Variants in PDE4B observed in about 807,000 individuals in gnomAD.
The protein encoded by PDE4B is 3',5'-cyclic-AMP phosphodiesterase 4B.
In PDE4B, 20 loss-of-function variants were observed where a neutral mutation model predicts 82.2. The ratio of observed to expected loss-of-function variants is 0.24; its 90% CI spans 0.17 to 0.35. The LOEUF (loss-of-function observed/expected upper bound fraction) is 0.35, where lower values mean the gene tolerates loss of function less well. Ranked by LOEUF, PDE4B falls within the 10% of genes least tolerant of loss-of-function variation. The pLI, the probability that PDE4B is intolerant of heterozygous loss-of-function variation, is 1.00. For missense variants in PDE4B, 655 were observed against 907.2 expected (o/e 0.72, Z 3.57); for synonymous variants, 320 against 318.9 (o/e 1.00, Z -0.04).
At chr1:66,055,772 T>C (rs1489765305) in intron 3 of PDE4B, among the ~76,000 whole-genome samples, 4 of 152,194 alleles carry the variant, frequency 2.6e-5, no homozygotes, top group Non-Finnish European at 5.9e-5. Flanking sequence ...ATGTTAACAG[T>C]AGATAACATT....
intron 8 of PDE4B, among the ~76,000 whole-genome samples, chr1:66,347,022 T>TG (rs1313143971): frequency 6.6e-6 from 1 of 152,182 alleles, no homozygotes; most frequent in Non-Finnish European, 1.5e-5. Flanking sequence ...GATGCTCCTA[T>TG]GTCATATTTT....
chr1:66,007,457 C>A (rs183042501), intron 3 of PDE4B, among the ~76,000 whole-genome samples: 15 of 151,954 alleles, frequency 9.9e-5, no homozygotes, highest in African/African-American at 3.6e-4. Flanking sequence ...ACAACCCCCC[C>A]CAACCAAAAC....
intron 1 of PDE4B, among the ~76,000 whole-genome samples, chr1:65,870,463 CTT>C (rs942974928): frequency 3.3e-5 from 5 of 152,118 alleles, no homozygotes; most frequent in Admixed American, 6.6e-5. Flanking sequence ...CCAAAAATTA[CTT>C]TCTGCTTAAC....
At chr1:66,194,922 T>C (rs899847682) in intron 3 of PDE4B, among the ~76,000 whole-genome samples, 1 of 152,100 alleles carries the variant, frequency 6.6e-6, no homozygotes, top group Non-Finnish European at 1.5e-5. Flanking sequence ...TATGTGAAAA[T>C]ATTTGGTCAG....
At position 66,201,918 on chromosome 1, in the gene PDE4B, AG is replaced by A. The variant is rs1372123764; in HGVS notation, c.282-45541del. Among the ~76,000 whole-genome samples the A allele has an allele frequency of 4.6e-5, 7 of 151,850 alleles. No homozygotes were observed. In the East Asian group the frequency reaches 1.4e-3, roughly 29 times the overall value. ...TGAATGTGTTTGCTCTTGCTTTTCT[AG>A]TTCTTTTAATTGTGATGTTGGGGTG... On this transcript the variant is annotated intron_variant, in intron 3 of 16. Transcript: ENST00000341517.
At chr1:65,934,627 GC>G (rs1648023463) in intron 3 of PDE4B, among the ~76,000 whole-genome samples, 1 of 152,200 alleles carries the variant, frequency 6.6e-6, no homozygotes, top group African/African-American at 2.4e-5. Context: ...TAAACTATGT[GC>G]TGTCTATAAG....
chr1:66,262,208 C>T (rs899870005), intron 6 of PDE4B, among the ~76,000 whole-genome samples: 1 of 152,174 alleles, frequency 6.6e-6, no homozygotes, highest in African/African-American at 2.4e-5. Flanking sequence ...AACTGAGGAT[C>T]ATAAAATGTT....
At chr1:66,068,535 A>G (rs1570141556) in intron 3 of PDE4B, among the ~76,000 whole-genome samples, 1 of 151,962 alleles carries the variant, frequency 6.6e-6, no homozygotes, top group East Asian at 1.9e-4. Context: ...TCCCCCATCA[A>G]GTTGATTTTC....
At chr1:66,203,800 C>T (rs186839673) in intron 3 of PDE4B, among the ~76,000 whole-genome samples, 8 of 152,262 alleles carry the variant, frequency 5.3e-5, no homozygotes, top group African/African-American at 1.2e-4. Context: ...TGAATTTCCT[C>T]CTTTAGCTTG....
At chr1:65,914,530 T>C (rs979090599) in intron 2 of PDE4B, among the ~76,000 whole-genome samples, 4 of 150,998 alleles carry the variant, frequency 2.6e-5, no homozygotes, top group African/African-American at 4.9e-5. Flanking sequence ...TAAGTTATAG[T>C]CTAAGTTCTC....
intron 3 of PDE4B, among the ~76,000 whole-genome samples, chr1:66,196,023 A>T (rs1186152557): frequency 1.3e-5 from 2 of 152,180 alleles, no homozygotes; most frequent in African/African-American, 4.8e-5. Context: ...AGCAGCAAAA[A>T]CTATTTGATA....
chr1:65,799,965 T>A (rs1484918525), intron 1 of PDE4B, among the ~76,000 whole-genome samples: 3 of 152,212 alleles, frequency 2.0e-5, no homozygotes, highest in Non-Finnish European at 4.4e-5. Context: ...CCTTTTGAGA[T>A]CATTCTTTTT....
At chr1:66,074,881 C>T (rs1036195263) in intron 3 of PDE4B, among the ~76,000 whole-genome samples, 1 of 151,962 alleles carries the variant, frequency 6.6e-6, no homozygotes, top group Non-Finnish European at 1.5e-5. Context: ...ATCTGTTTGT[C>T]TGTTGATGGA....
chr1:65,839,005 A>G (rs927307286), intron 1 of PDE4B, among the ~76,000 whole-genome samples: 7 of 152,192 alleles, frequency 4.6e-5, no homozygotes, highest in African/African-American at 1.7e-4. Context: ...ATTAAGAAAA[A>G]TAATTTATTG....
chr1:65,875,962 A>T (rs1646636590), intron 1 of PDE4B, among the ~76,000 whole-genome samples: 1 of 151,236 alleles, frequency 6.6e-6, no homozygotes, highest in Non-Finnish European at 1.5e-5. Flanking sequence ...TAAAAAAAAA[A>T]TGGGGAAAAA....
intron 3 of PDE4B, among the ~76,000 whole-genome samples, chr1:66,167,873 A>G (rs1451334882): frequency 2.0e-5 from 3 of 152,190 alleles, no homozygotes; most frequent in Non-Finnish European, 4.4e-5. Flanking sequence ...TCTAAAAACA[A>G]TACTTTAGTA....
rs371652451 is a variant in PDE4B at position 65,822,310 on chromosome 1, C to T, written c.-71+29062C>T. Among the ~76,000 whole-genome samples the T allele has an allele frequency of 2.2e-4, 34 of 152,186 alleles. No homozygotes were observed. In the South Asian group the frequency reaches 3.9e-3, roughly 18 times the overall value. On this transcript the variant is annotated intron_variant, in intron 1 of 16. Coordinates refer to ENST00000341517, the MANE Select transcript of PDE4B (RefSeq NM_002600.4). ...CGTGAATGGATATTAAGATTGTTTTCGGTGATTTTTTTTGGCCAGGTGCAC... is the reference window on the plus strand; with the variant it reads ...CGTGAATGGATATTAAGATTGTTTTTGGTGATTTTTTTTGGCCAGGTGCAC...
At chr1:65,933,486 A>G (rs1168594376) in intron 3 of PDE4B, among the ~76,000 whole-genome samples, 1 of 152,152 alleles carries the variant, frequency 6.6e-6, no homozygotes, top group East Asian at 1.9e-4. Flanking sequence ...TGAGGTCAGG[A>G]GTTAAAGACC....
intron 7 of PDE4B, among the ~76,000 whole-genome samples, chr1:66,297,090 C>T (rs1245904867): frequency 6.6e-6 from 1 of 152,080 alleles, no homozygotes; most frequent in Non-Finnish European, 1.5e-5. Flanking sequence ...TCATACATCT[C>T]TTAGCCATAT....
Sources: allele counts gnomAD v4.1 joint callset (sites outside exome capture counted in the v4.1 genomes callset), GRCh38; gene constraint gnomAD v4.1.1; transcripts MANE v1.5; gene names NCBI Gene and HGNC (gene_info 2026-07-23, HGNC 2026-07-21).